DDHD1: variants seen among roughly 807,000 people sequenced by gnomAD.
DDHD1 encodes DDHD domain containing 1.
Under a neutral mutation model 96.4 loss-of-function variants are expected in DDHD1, and 49 were observed. That is an observed-to-expected ratio of 0.51 (90% CI 0.40 to 0.64). DDHD1 has a LOEUF of 0.64. Ranked by LOEUF, DDHD1 falls within the 30% of genes least tolerant of loss-of-function variation. The pLI is 0.00. For missense variants in DDHD1, 1,106 were observed against 1,161.2 expected (o/e 0.95, Z 0.69); for synonymous variants, 442 against 446.5 (o/e 0.99, Z 0.13).
At position 53,103,070 on chromosome 14, in the gene DDHD1, T is replaced by C. The variant is rs771542419; in HGVS notation, c.1012+613A>G. 3.5e-5 allele frequency: 55 copies of C among 1,561,736 alleles called. No homozygotes were observed. The highest frequency in any genetic ancestry group is 1.1e-4 in the Admixed American group (6 of 52,396). ...CCACTGCCTGCAGTAAATGGAACAATAGAAGTATTTTTAACTTTACCACAT... is the reference window on the plus strand; with the variant it reads ...CCACTGCCTGCAGTAAATGGAACAACAGAAGTATTTTTAACTTTACCACAT... On this transcript the variant is annotated intron_variant, in intron 2 of 12. Coordinates refer to ENST00000673822, the MANE Select transcript of DDHD1 (RefSeq NM_001160148.2).
chr14:53,121,873 T>C (rs1045932769), intron 1 of DDHD1, among the ~76,000 whole-genome samples: 1 of 149,018 alleles, frequency 6.7e-6, no homozygotes, highest in Non-Finnish European at 1.5e-5. Context: ...ATGGCACATA[T>C]ACACCTATGT....
intron 1 of DDHD1, among the ~76,000 whole-genome samples, chr14:53,124,547 A>G (rs1889287825): frequency 6.6e-6 from 1 of 152,220 alleles, no homozygotes; most frequent in Non-Finnish European, 1.5e-5. Context: ...TTTGAAAATA[A>G]CAGTCATGCT....
chr14:53,103,782 T>C lies in DDHD1; in HGVS notation c.913A>G (p.Ser305Gly). The C allele has an allele frequency of 6.2e-7, 1 of 1,613,790 alleles. No individual in the cohort carries two copies. The highest frequency in any genetic ancestry group is 8.5e-7 in the Non-Finnish European group (1 of 1,179,914). ...GTWQPLEEEE[S>G]NLIEQEHLNC... is the part of the protein sequence containing the mutation. ...AGATGTTCTTGCTCAATTAAATTAC[T>C]TTCTTCCTCTTCTAGAGGCTGCCAA... Residue 305 changes from serine to glycine, a missense_variant, in exon 2 of 13, where the codon AGT becomes GGT. Transcript: ENST00000673822.
intron 1 of DDHD1, among the ~76,000 whole-genome samples, chr14:53,119,012 C>T (rs1407133922): frequency 6.6e-6 from 1 of 152,156 alleles, no homozygotes; most frequent in African/African-American, 2.4e-5. Flanking sequence ...CAATATTCAA[C>T]ATTCTTAAAG....
chr14:53,056,328 G>A (rs1271684939), intron 9 of DDHD1, among the ~76,000 whole-genome samples: 1 of 152,164 alleles, frequency 6.6e-6, no homozygotes, highest in South Asian at 2.1e-4. Context: ...GCATAAATCA[G>A]ATGCCAGCAT....
intron 11 of DDHD1, among the ~76,000 whole-genome samples, chr14:53,052,136 G>C (rs1338263415): frequency 6.6e-6 from 1 of 151,954 alleles, no homozygotes; most frequent in African/African-American, 2.4e-5. Context: ...CTCATAATCT[G>C]TTAACACCCA....
chr14:53,101,880 C>A (rs1887327944), intron 2 of DDHD1, among the ~76,000 whole-genome samples: 1 of 151,658 alleles, frequency 6.6e-6, no homozygotes, highest in Non-Finnish European at 1.5e-5. Flanking sequence ...AGAAACAGAG[C>A]TGATTATTAA....
At chr14:53,074,392 A>C (rs371310631) in intron 4 of DDHD1, among the ~76,000 whole-genome samples, 1 of 151,920 alleles carries the variant, frequency 6.6e-6, no homozygotes, top group South Asian at 2.1e-4. Flanking sequence ...AGAACATGCT[A>C]TTCTTTTAGT....
intron 1 of DDHD1, among the ~76,000 whole-genome samples, chr14:53,119,158 A>G (rs1888786193): frequency 6.6e-6 from 1 of 152,236 alleles, no homozygotes; most frequent in Non-Finnish European, 1.5e-5. Context: ...GAGCTCCTGA[A>G]GGAAGCACTA....
chr14:53,128,204 T>C (rs1260044267), intron 1 of DDHD1, among the ~76,000 whole-genome samples: 1 of 152,254 alleles, frequency 6.6e-6, no homozygotes, highest in Non-Finnish European at 1.5e-5. Flanking sequence ...CTTTCCTTTA[T>C]AAATGACCAA....
At chr14:53,056,042 T>G in intron 9 of DDHD1, 130 bp from the exon 10 acceptor site, 4 of 735,276 alleles carry the variant, frequency 5.4e-6, no homozygotes, top group Non-Finnish European at 8.7e-6. Flanking sequence ...AAACAATAGC[T>G]ATTTCAAACA....
At chr14:53,096,042 T>TATGCTTTAAATGCA (rs1430843114) in intron 2 of DDHD1, 20 of 758,540 alleles carry the variant, frequency 2.6e-5, no homozygotes, top group Non-Finnish European at 3.2e-5. Flanking sequence ...TAATAATTTC[T>TATGCTTTAAATGCA]ATGCTTTAAA....
At chr14:53,144,795 T>G (rs1342296500) in intron 1 of DDHD1, among the ~76,000 whole-genome samples, 2 of 152,244 alleles carry the variant, frequency 1.3e-5, no homozygotes, top group Admixed American at 6.5e-5. Flanking sequence ...TGCATTTAAC[T>G]AAATGTCTAC....
At chr14:53,097,854 C>A (rs1009880103) in intron 2 of DDHD1, among the ~76,000 whole-genome samples, 2 of 151,884 alleles carry the variant, frequency 1.3e-5, no homozygotes, top group African/African-American at 4.8e-5. Flanking sequence ...CCCCTATACA[C>A]AGAGAAACAA....
intron 2 of DDHD1, 62 bp downstream of exon 2, chr14:53,103,621 C>A: frequency 7.3e-7 from 1 of 1,365,908 alleles, no homozygotes; most frequent in East Asian, 2.5e-5. Flanking sequence ...ACAAACCACT[C>A]TAAACTTTAT....
At chr14:53,118,825 C>G (rs1595211359) in intron 1 of DDHD1, among the ~76,000 whole-genome samples, 1 of 152,128 alleles carries the variant, frequency 6.6e-6, no homozygotes, top group African/African-American at 2.4e-5. Flanking sequence ...CATAAAGATC[C>G]TCTTCGAGAA....
chr14:53,140,234 A>G (rs1890547477), intron 1 of DDHD1, among the ~76,000 whole-genome samples: 1 of 152,206 alleles, frequency 6.6e-6, no homozygotes, highest in South Asian at 2.1e-4. Context: ...CGTAATTGAA[A>G]TTCAAAAAGC....
intron 4 of DDHD1, among the ~76,000 whole-genome samples, chr14:53,091,348 G>T (rs1886413352): frequency 6.6e-6 from 1 of 152,186 alleles, no homozygotes; most frequent in African/African-American, 2.4e-5. Flanking sequence ...ATAAAATTCA[G>T]AGTTCAGTTT....
At chr14:53,054,732 C>G in intron 10 of DDHD1, 103 bp from the exon 11 acceptor site, 1 of 1,108,034 alleles carries the variant, frequency 9.0e-7, no homozygotes, top group East Asian at 2.4e-5. Flanking sequence ...GGACCAAACC[C>G]TAGTCATGTT....
Sources: gnomAD v4.1 joint callset for allele counts (sites outside exome capture counted in the v4.1 genomes callset) on GRCh38, gnomAD v4.1.1 for gene constraint, MANE v1.5 for transcripts, NCBI Gene and HGNC (gene_info 2026-07-23, HGNC 2026-07-21) for gene names.